The following CACNA1E variants were observed in gnomAD, a reference collection of about 807,000 sequenced individuals.
CACNA1E encodes calcium voltage-gated channel subunit alpha1 E.
In CACNA1E, 40 loss-of-function variants were observed where a neutral mutation model predicts 259.2. The ratio of observed to expected loss-of-function variants is 0.15; its 90% CI spans 0.12 to 0.20. CACNA1E has a LOEUF of 0.20. Ranked by LOEUF, CACNA1E falls within the 10% of genes least tolerant of loss-of-function variation. The pLI, the probability that CACNA1E is intolerant of heterozygous loss-of-function variation, is 1.00. For missense variants in CACNA1E, 1,874 were observed against 3,040.1 expected (o/e 0.62, Z 9.02); for synonymous variants, 1,104 against 1,138.5 (o/e 0.97, Z 0.61).
rs146193094 is a variant in CACNA1E at position 181,334,821 on chromosome 1, C to T, written c.-15+16698C>T. 1.7e-4 allele frequency among the ~76,000 whole-genome samples: 26 copies of T among 152,290 alleles called. 1 individual carries two copies. The East Asian group carries it at 4.4e-3, about 26-fold the overall frequency. ...AGAAGCTGAGTCAGGGGGTCTCACT[C>T]CTCTGCCTGAAACCATCCAGTGTCT... is the stretch of plus-strand genomic sequence containing the variant. On this transcript the variant is annotated intron_variant, in intron 1 of 11. Transcript: ENST00000524607.
chr1:181,691,546 TACCAAAAC>T (rs1164943885), intron 7 of CACNA1E, among the ~76,000 whole-genome samples: 1 of 151,974 alleles, frequency 6.6e-6, no homozygotes, highest in East Asian at 1.9e-4. Flanking sequence ...AAAACCAAAA[TACCAAAAC>T]ATTGCCAAAA....
At chr1:181,365,530 G>T (rs1654209748) in intron 1 of CACNA1E, among the ~76,000 whole-genome samples, 1 of 152,200 alleles carries the variant, frequency 6.6e-6, no homozygotes, top group Non-Finnish European at 1.5e-5. Flanking sequence ...TCTGATGATG[G>T]GGTCAGGGCA....
At chr1:181,714,514 C>T (rs1454877441) in intron 8 of CACNA1E, among the ~76,000 whole-genome samples, 1 of 152,138 alleles carries the variant, frequency 6.6e-6, no homozygotes, top group East Asian at 1.9e-4. Context: ...TTAAACTAAT[C>T]TCTAGTGCCC....
At chr1:181,633,612 C>T (rs1656944812) in intron 6 of CACNA1E, among the ~76,000 whole-genome samples, 1 of 152,116 alleles carries the variant, frequency 6.6e-6, no homozygotes, top group African/African-American at 2.4e-5. Context: ...ATGCTTTAGC[C>T]TCCTGAGTAG....
intron 7 of CACNA1E, among the ~76,000 whole-genome samples, chr1:181,694,000 G>C (rs762182860): frequency 3.9e-5 from 6 of 152,100 alleles, no homozygotes; most frequent in Non-Finnish European, 8.8e-5. Context: ...GAGGCAAGGG[G>C]AAAAACACTT....
At chr1:181,592,229 C>T (rs1199552524) in intron 6 of CACNA1E, among the ~76,000 whole-genome samples, 1 of 152,184 alleles carries the variant, frequency 6.6e-6, no homozygotes, top group Non-Finnish European at 1.5e-5. Context: ...CATCCCTTTT[C>T]CTTATTAAAT....
At chr1:181,700,872 C>T (rs2102373849) in intron 7 of CACNA1E, among the ~76,000 whole-genome samples, 1 of 152,338 alleles carries the variant, frequency 6.6e-6, no homozygotes, top group Admixed American at 6.5e-5. Context: ...CTTCCTTCCG[C>T]TCACTTCGAG....
intron 6 of CACNA1E, among the ~76,000 whole-genome samples, chr1:181,607,876 G>A (rs1270875106): frequency 1.3e-5 from 2 of 152,188 alleles, no homozygotes; most frequent in African/African-American, 4.8e-5. Context: ...CTTCAGCTGG[G>A]TTTTGAAGAG....
intron 37 of CACNA1E, among the ~76,000 whole-genome samples, chr1:181,773,544 AC>A (rs1185744227): frequency 6.6e-6 from 1 of 151,696 alleles, no homozygotes; most frequent in Non-Finnish European, 1.5e-5. Flanking sequence ...TAAAGAAAAA[AC>A]CCCCTGAAAT....
At chr1:181,513,853 C>T (rs927304377) in intron 3 of CACNA1E, among the ~76,000 whole-genome samples, 2 of 152,186 alleles carry the variant, frequency 1.3e-5, no homozygotes, top group Non-Finnish European at 1.5e-5. Flanking sequence ...TCTCTGTGCT[C>T]TCTTTCCCAT....
intron 1 of CACNA1E, among the ~76,000 whole-genome samples, chr1:181,406,807 G>C (rs1657498736): frequency 6.6e-6 from 1 of 152,198 alleles, no homozygotes; most frequent in South Asian, 2.1e-4. Flanking sequence ...TCAGAGCGTA[G>C]GCTCCTAACT....
chr1:181,508,989 T>C (rs1397054122), intron 1 of CACNA1E, among the ~76,000 whole-genome samples: 6 of 152,020 alleles, frequency 3.9e-5, no homozygotes, highest in African/African-American at 9.7e-5. Context: ...CTGGGGTCTG[T>C]GTGCTGTGTG....
At chr1:181,385,036 C>T (rs1480567913) in intron 1 of CACNA1E, among the ~76,000 whole-genome samples, 1 of 152,158 alleles carries the variant, frequency 6.6e-6, no homozygotes, top group Non-Finnish European at 1.5e-5. Context: ...GATGTCTCTG[C>T]TGAGATGGAT....
chr1:181,361,980 T>C (rs948965044), intron 1 of CACNA1E, among the ~76,000 whole-genome samples: 2 of 152,246 alleles, frequency 1.3e-5, no homozygotes, highest in Admixed American at 1.3e-4. Context: ...ATCACATTGA[T>C]TATAATTACT....
At chr1:181,528,524 G>A (rs1667533796) in intron 3 of CACNA1E, among the ~76,000 whole-genome samples, 1 of 152,222 alleles carries the variant, frequency 6.6e-6, no homozygotes, top group Non-Finnish European at 1.5e-5. Flanking sequence ...AGTTTGGAGG[G>A]CTCAGAAGAA....
intron 3 of CACNA1E, among the ~76,000 whole-genome samples, chr1:181,536,426 A>G (rs1343753708): frequency 6.6e-6 from 1 of 152,192 alleles, no homozygotes; most frequent in Non-Finnish European, 1.5e-5. Flanking sequence ...TCATTTTAAA[A>G]GTTTTCAGTT....
Position 181,793,682 on chromosome 1 carries a change from A to G in CACNA1E, c.5916A>G (p.Glu1972=). The G allele has an allele frequency of 6.2e-7, 1 of 1,610,406 alleles. No homozygotes were observed. Among genetic ancestry groups the G allele is most frequent in the Non-Finnish European group, 8.5e-7 (1 of 1,178,870 alleles). The change falls in exon 45 of 48, where the codon GAA becomes GAG. Residue 1972 remains glutamate (E), a synonymous_variant. Transcript: ENST00000367573. ...ERQSLEPEVS[E]LKSVQPSNHG... is the part of the protein sequence containing the mutation. The stretch of plus-strand genomic sequence containing the variant: ...ATTTCCAGGAGCCAGAGGTTAGTGA[A>G]TTAAAAAGCGTGCAGCCCTCTAACC...
intron 1 of CACNA1E, among the ~76,000 whole-genome samples, chr1:181,371,429 C>T (rs1654705162): frequency 6.6e-6 from 1 of 152,026 alleles, no homozygotes; most frequent in Non-Finnish European, 1.5e-5. Context: ...ACCCAGCTGA[C>T]TATTTATTTA....
At chr1:181,504,484 G>A (rs1349469409) in intron 1 of CACNA1E, among the ~76,000 whole-genome samples, 1 of 152,222 alleles carries the variant, frequency 6.6e-6, no homozygotes, top group Non-Finnish European at 1.5e-5. Flanking sequence ...CCCTGGTGGT[G>A]ATAGAGATGC....
Sources: allele counts gnomAD v4.1 joint callset (sites outside exome capture counted in the v4.1 genomes callset), GRCh38; gene constraint gnomAD v4.1.1; transcripts MANE v1.5; gene names NCBI Gene and HGNC (gene_info 2026-07-23, HGNC 2026-07-21).